The following GPI variants were observed in gnomAD, a reference collection of about 807,000 sequenced individuals.
The protein encoded by GPI is D-hexose-6-phosphate anomerase.
GPI carries 56 observed loss-of-function variants against 75.8 expected under a neutral mutation model. The observed-to-expected ratio is 0.74, with a 90% confidence interval of 0.60 to 0.92. The LOEUF is 0.92. GPI is among the 40% of genes least tolerant of loss of function. The probability of loss-of-function intolerance (pLI) is 0.00; values close to 1 mark genes in which losing one functional copy is unlikely to be tolerated. For missense variants in GPI, 638 were observed against 741.0 expected, an observed-to-expected ratio of 0.86 and a Z score of 1.61; for synonymous variants, 288 against 285.4, an observed-to-expected ratio of 1.01 and a Z score of -0.09.
chr19:34,377,923 G>A, intron 6 of GPI, 42 bp downstream of exon 6: 1 of 1,608,736 alleles, frequency 6.2e-7, no homozygotes, highest in Non-Finnish European at 8.5e-7. Context: ...CCCTGTGTGT[G>A]TTGGGGTGGG....
chr19:34,379,596 C>T, intron 8 of GPI, 34 bp downstream of exon 8: 1 of 1,553,662 alleles, frequency 6.4e-7, no homozygotes, highest in Non-Finnish European at 8.9e-7. Flanking sequence ...TACTGCCTTC[C>T]TGGGAGTGCC....
At chr19:34,396,720 A>G in intron 14 of GPI, 63 bp downstream of exon 14, 1 of 1,293,742 alleles carries the variant, frequency 7.7e-7, no homozygotes, top group Admixed American at 1.8e-5. Flanking sequence ...GACCTCTGAA[A>G]ACCTGGTGCA....
intron 9 of GPI, among the ~76,000 whole-genome samples, chr19:34,382,035 T>A (rs191767406): frequency 6.6e-6 from 1 of 152,256 alleles, no homozygotes; most frequent in Admixed American, 6.5e-5. Context: ...CCGACCCCTC[T>A]GTAGCAACAG....
intron 9 of GPI, among the ~76,000 whole-genome samples, chr19:34,387,413 G>A (rs1437007215): frequency 6.6e-6 from 1 of 152,118 alleles, no homozygotes; most frequent in Non-Finnish European, 1.5e-5. Flanking sequence ...GTGTCAGTGA[G>A]TCTACGGATC....
intron 12 of GPI, among the ~76,000 whole-genome samples, 161 bp from the exon 13 acceptor site, chr19:34,396,140 G>T (rs1599856820): frequency 6.6e-6 from 1 of 152,230 alleles, no homozygotes; most frequent in East Asian, 1.9e-4. Flanking sequence ...GTTTCTCCAT[G>T]TTAATCAGGC....
At chr19:34,377,358 TGG>T (rs2074562127) in intron 4 of GPI, 143 bp from the exon 5 acceptor site, 1 of 299,726 alleles carries the variant, frequency 3.3e-6, no homozygotes, top group African/African-American at 3.5e-5. Flanking sequence ...TATATATATA[TGG>T]TAAATTAAAA....
At chr19:34,386,170 G>A (rs925835268) in intron 9 of GPI, among the ~76,000 whole-genome samples, 5 of 152,082 alleles carry the variant, frequency 3.3e-5, no homozygotes, top group East Asian at 1.9e-4. Context: ...AGAACCCAGC[G>A]AAAAGCTCAG....
At chr19:34,378,820 A>C in intron 6 of GPI, 114 bp from the exon 7 acceptor site, 2 of 790,244 alleles carry the variant, frequency 2.5e-6, no homozygotes, top group Non-Finnish European at 4.6e-6. Flanking sequence ...TGACCTGCAA[A>C]TACTGCTCCA....
rs762017549 is a variant in GPI at position 34,381,489 on chromosome 19, T to G, written c.774T>G (p.Ile258Met). Residue 258 changes from isoleucine (I) to methionine (M), a missense_variant, in exon 9 of 18, where the codon ATT becomes ATG. Coordinates refer to ENST00000356487, the MANE Select transcript of GPI (RefSeq NM_000175.5). ...TNTTKVKEFGIDPQNMFEFWD... is the reference protein window; with the variant it reads ...TNTTKVKEFGMDPQNMFEFWD... ...AGACCAAAGTGAAGGAGTTTGGAAT[T>G]GACCCTCAAAACATGTTCGAGTTCT... 4 of 1,609,398 alleles carry G rather than the reference T, an allele frequency of 2.5e-6. No individual in the cohort carries two copies. The African/African-American group carries it at 5.3e-5, about 22-fold the overall frequency.
chr19:34,375,365 G>A (rs556479284), intron 4 of GPI, among the ~76,000 whole-genome samples: 2 of 152,024 alleles, frequency 1.3e-5, no homozygotes, highest in South Asian at 4.2e-4. Context: ...GACTAGGCTG[G>A]TCTCGAACTC....
At chr19:34,360,141 G>T (rs2074293558), upstream of GPI, among the ~76,000 whole-genome samples, 1 of 152,030 alleles carries the variant, frequency 6.6e-6, no homozygotes, top group South Asian at 2.1e-4. Context: ...GTTTCCTTTC[G>T]ATTCTCCTTG....
intron 14 of GPI, chr19:34,398,381 T>C (rs2074973967): frequency 6.6e-6 from 1 of 152,248 alleles, no homozygotes; most frequent in African/African-American, 2.4e-5. Flanking sequence ...ATTCTGATTG[T>C]TCCTGTCTAT....
At chr19:34,378,707 G>A (rs1323763689) in intron 6 of GPI, among the ~76,000 whole-genome samples, 1 of 152,238 alleles carries the variant, frequency 6.6e-6, no homozygotes, top group African/African-American at 2.4e-5. Context: ...AGAAGCTGCG[G>A]CCTTTGACCT....
At chr19:34,370,749 C>A (rs2074439436) in intron 4 of GPI, among the ~76,000 whole-genome samples, 1 of 151,316 alleles carries the variant, frequency 6.6e-6, no homozygotes, top group Admixed American at 6.6e-5. Flanking sequence ...AACAAAAAAA[C>A]CAACCCATCT....
chr19:34,370,821 G>A (rs1199532912), intron 4 of GPI, among the ~76,000 whole-genome samples: 1 of 152,176 alleles, frequency 6.6e-6, no homozygotes, highest in African/African-American at 2.4e-5. Context: ...GGGAGGCTGG[G>A]GTGGGAGGAT....
chr19:34,364,319 G>C (rs1396559902), upstream of GPI, among the ~76,000 whole-genome samples: 1 of 151,540 alleles, frequency 6.6e-6, no homozygotes, highest in Non-Finnish European at 1.5e-5. Context: ...CAGCCCCAGA[G>C]TTCTTACAAT....
chr19:34,374,671 G>A (rs962193775), intron 4 of GPI, among the ~76,000 whole-genome samples: 2 of 151,984 alleles, frequency 1.3e-5, no homozygotes, highest in Non-Finnish European at 2.9e-5. Flanking sequence ...GTGGGCATGG[G>A]ATGACTGGTA....
upstream of GPI, among the ~76,000 whole-genome samples, chr19:34,364,241 C>G (rs562050754): frequency 2.6e-5 from 4 of 152,032 alleles, no homozygotes; most frequent in Non-Finnish European, 5.9e-5. Flanking sequence ...CTTGCCCAGG[C>G]TCGGCTTGAA....
At chr19:34,360,604 T>C (rs416602), upstream of GPI, among the ~76,000 whole-genome samples, 34,151 of 151,800 alleles carry the variant, frequency 0.22, 4,435 homozygotes, top group East Asian at 0.62. Context: ...TTTCAACTAA[T>C]AAGACATAAC....
Sources: allele counts gnomAD v4.1 joint callset (sites outside exome capture counted in the v4.1 genomes callset), GRCh38; gene constraint gnomAD v4.1.1; transcripts MANE v1.5; gene names NCBI Gene and HGNC (gene_info 2026-07-23, HGNC 2026-07-21).